Variants in DPY19L4 observed in about 807,000 individuals in gnomAD.
DPY19L4 encodes probable C-mannosyltransferase DPY19L4.
In DPY19L4, 97 loss-of-function variants were observed where a neutral mutation model predicts 102.8. The ratio of observed to expected loss-of-function variants is 0.94; its 90% CI spans 0.80 to 1.12. The LOEUF (loss-of-function observed/expected upper bound fraction) is 1.12. DPY19L4 is among the 50% of genes most tolerant of loss of function. The pLI, the probability that DPY19L4 is intolerant of heterozygous loss-of-function variation, is 0.00. For synonymous variants in DPY19L4, 252 were observed against 283.1 expected, an observed-to-expected ratio of 0.89 and a Z score of 1.10; for missense variants, 815 against 850.4, an observed-to-expected ratio of 0.96 and a Z score of 0.52.
chr8:94,739,152 C>T (rs1176172498), intron 4 of DPY19L4, among the ~76,000 whole-genome samples: 2 of 152,128 alleles, frequency 1.3e-5, no homozygotes, highest in Non-Finnish European at 2.9e-5. Context: ...CAGTCTCTCC[C>T]TATCCTCCCC....
In DPY19L4 at chr8:94,739,784, T is replaced by C. The variant is rs1039348523; in HGVS notation, c.605T>C (p.Ile202Thr). The part of the protein sequence containing the change: ...AGMLTVAWFV[I>T]NRVDTTRIEY... ...ATGCTTACTGTTGCGTGGTTCGTTA[T>C]TAACAGGTAAGAAAGCTGTTTTAAT... Residue 202 changes from isoleucine (I) to threonine (T), a missense_variant, in exon 6 of 19, where the codon ATT becomes ACT. Transcript: ENST00000414645. The C allele has an allele frequency of 1.9e-6, 3 of 1,612,064 alleles. No individual in the cohort carries two copies. Among genetic ancestry groups the C allele is most frequent in the Non-Finnish European group, 2.5e-6 (3 of 1,179,990 alleles).
chr8:94,725,745 C>T (rs967516448), intron 1 of DPY19L4, among the ~76,000 whole-genome samples: 55 of 152,222 alleles, frequency 3.6e-4, no homozygotes, highest in African/African-American at 1.3e-3. Flanking sequence ...ACGCCATTCT[C>T]CTGCCTCAGC....
chr8:94,734,653 A>C lies in DPY19L4; in HGVS notation c.151A>C (p.Lys51Gln), dbSNP rs532088718. The change falls in exon 3 of 19, where the codon AAG (lysine) becomes CAG (glutamine). Residue 51 changes from lysine to glutamine, a missense_variant. By Grantham distance (53) the Lys-to-Gln change is moderately conservative. Coordinates refer to ENST00000414645, the MANE Select transcript of DPY19L4 (RefSeq NM_181787.3). Reference protein sequence around the residue: ...PKHVLFQRFAKIFIGCLAAVT... With the variant: ...PKHVLFQRFAQIFIGCLAAVT... ...AGATGTATTATTTCAACGCTTTGCA[A>C]AGATTTTCATTGGCTGTCTTGCAGC... The C allele has an allele frequency of 6.2e-7, 1 of 1,613,936 alleles. No homozygotes were observed. The highest frequency in any genetic ancestry group is 8.5e-7 in the Non-Finnish European group (1 of 1,179,938).
At chr8:94,736,506 G>A (rs961858930) in intron 3 of DPY19L4, among the ~76,000 whole-genome samples, 1 of 152,118 alleles carries the variant, frequency 6.6e-6, no homozygotes, top group Non-Finnish European at 1.5e-5. Flanking sequence ...AAGTTCTGTT[G>A]ATCAAACTTT....
intron 17 of DPY19L4, among the ~76,000 whole-genome samples, chr8:94,786,424 CATTT>C (rs10576755): frequency 0.86 from 128,585 of 149,454 alleles, 55,464 homozygotes; most frequent in East Asian, 0.96. Context: ...CATGCCCGGC[CATTT>C]ATTTATTTAT....
At chr8:94,763,588 T>A (rs1812498594) in intron 8 of DPY19L4, among the ~76,000 whole-genome samples, 1 of 151,136 alleles carries the variant, frequency 6.6e-6, no homozygotes. Context: ...TGGTGCGATC[T>A]CAGCTCACTG....
At chr8:94,722,315 G>A (rs1046025875) in intron 1 of DPY19L4, among the ~76,000 whole-genome samples, 9 of 151,642 alleles carry the variant, frequency 5.9e-5, no homozygotes, top group Non-Finnish European at 1.0e-4. Flanking sequence ...GCTGAGGCAA[G>A]AGAATCGATG....
intron 7 of DPY19L4, among the ~76,000 whole-genome samples, chr8:94,760,304 G>A (rs193031409): frequency 6.6e-6 from 1 of 152,240 alleles, no homozygotes; most frequent in East Asian, 1.9e-4. Context: ...AGCCTTCATT[G>A]CTTTCTGGAA....
intron 11 of DPY19L4, among the ~76,000 whole-genome samples, chr8:94,767,288 C>G (rs2130892990): frequency 7.0e-6 from 1 of 142,058 alleles, no homozygotes; most frequent in East Asian, 2.0e-4. Flanking sequence ...TATATACAAC[C>G]AGGAGTCTTT....
chr8:94,722,746 T>C lies in DPY19L4; in HGVS notation c.16+2732T>C, dbSNP rs1810522526. 3.9e-5 allele frequency among the ~76,000 whole-genome samples: 6 copies of C among 152,238 alleles called. No individual in the cohort carries two copies. In the South Asian group the frequency reaches 1.2e-3, roughly 32 times the overall value. On this transcript the variant is annotated intron_variant, in intron 1 of 18. Transcript: ENST00000414645. The stretch of plus-strand genomic sequence containing the variant: ...TTCCCCCAGAATCCGTATTATCTTT[T>C]GTTCGCTGTGTTAAAATTAGACTAA...
chr8:94,771,060 G>A (rs527583315), intron 13 of DPY19L4, among the ~76,000 whole-genome samples: 15 of 151,826 alleles, frequency 9.9e-5, no homozygotes, highest in Non-Finnish European at 1.6e-4. Context: ...GATTACAGGC[G>A]TGCGCCACTG....
In DPY19L4 at chr8:94,770,535, C is replaced by T. The variant is rs777481966; in HGVS notation, c.1418C>T (p.Thr473Ile). The T allele has an allele frequency of 1.2e-6, 2 of 1,613,662 alleles. No individual in the cohort carries two copies. Among genetic ancestry groups the T allele is most frequent in the Non-Finnish European group, 8.5e-7 (1 of 1,179,844 alleles). ...GAAATAATTTATCATGTAATTCACA[C>T]TATTTTATTGGGTTCTCTTGCAATG... Reference protein sequence around the residue: ...RPEIIYHVIHTILLGSLAMVI... With the variant: ...RPEIIYHVIHIILLGSLAMVI... The change falls in exon 13 of 19, where the codon ACT becomes ATT. Residue 473 changes from threonine (T) to isoleucine (I), a missense_variant. Transcript: ENST00000414645.
intron 1 of DPY19L4, among the ~76,000 whole-genome samples, chr8:94,724,349 T>C (rs182413770): frequency 6.6e-6 from 1 of 152,256 alleles, no homozygotes; most frequent in African/African-American, 2.4e-5. Context: ...CCCCTTGTAT[T>C]CTTTTAAAAT....
chr8:94,789,404 T>C (rs1327265458), intron 18 of DPY19L4, among the ~76,000 whole-genome samples: 1 of 152,232 alleles, frequency 6.6e-6, no homozygotes. Flanking sequence ...TATTTAGGAA[T>C]ATAATATGTT....
chr8:94,734,600 C>T (rs755052369), intron 2 of DPY19L4, 30 bp from the exon 3 acceptor site: 7 of 1,587,402 alleles, frequency 4.4e-6, no homozygotes, highest in African/African-American at 1.3e-5. Context: ...TACATATTAC[C>T]TTTTCATTAC....
At chr8:94,766,462 A>C in intron 10 of DPY19L4, 150 bp from the exon 11 acceptor site, 1 of 628,858 alleles carries the variant, frequency 1.6e-6, no homozygotes, top group Non-Finnish European at 2.7e-6. Flanking sequence ...ATGTCAGTAA[A>C]TCTCCTTGCT....
intron 13 of DPY19L4, among the ~76,000 whole-genome samples, chr8:94,771,692 A>G (rs757355372): frequency 9.9e-5 from 15 of 152,130 alleles, no homozygotes; most frequent in Non-Finnish European, 1.9e-4. Context: ...GGTAGAGGGA[A>G]TGGCATATGC....
At chr8:94,760,278 G>T (rs1273681531) in intron 7 of DPY19L4, among the ~76,000 whole-genome samples, 1 of 152,196 alleles carries the variant, frequency 6.6e-6, no homozygotes, top group Non-Finnish European at 1.5e-5. Context: ...CATTAATTAG[G>T]CTGGGTCTAG....
At chr8:94,788,096 T>TATATATATATATA (rs200315531) in intron 18 of DPY19L4, 44 bp downstream of exon 18, 2 of 745,282 alleles carry the variant, frequency 2.7e-6, no homozygotes, top group Admixed American at 1.0e-4. Flanking sequence ...TATATATATA[T>TATATATATATATA]TTTTTTTTTA....
Sources: gnomAD v4.1 joint callset for allele counts (sites outside exome capture counted in the v4.1 genomes callset) on GRCh38, gnomAD v4.1.1 for gene constraint, MANE v1.5 for transcripts, NCBI Gene and HGNC (gene_info 2026-07-23, HGNC 2026-07-21) for gene names.